PET117: variants seen among roughly 807,000 people sequenced by gnomAD.
PET117 encodes PET117 cytochrome c oxidase chaperone.
A neutral mutation model predicts 9.2 loss-of-function variants in PET117; 10 were observed. That is an observed-to-expected ratio of 1.09 (90% CI 0.67 to 1.85). PET117 has a LOEUF of 1.85. Among genes scored for constraint, PET117 ranks in the 40% most tolerant of loss-of-function variants. The pLI is 0.00. For missense variants in PET117, 96 were observed against 98.2 expected, an observed-to-expected ratio of 0.98 and a Z score of 0.09; for synonymous variants, 43 against 37.1, an observed-to-expected ratio of 1.16 and a Z score of -0.57.
At position 18,142,214 on chromosome 20, in the gene PET117, C is replaced by T. The variant is rs768254781; in HGVS notation, c.103C>T (p.Arg35Cys). Reference sequence around the variant, plus strand: ...CTGTTTCTTACGTTTTTAGAGGCTTCGTGACGGAGTTATCAGAGACATTGA... The same window carrying T: ...CTGTTTCTTACGTTTTTAGAGGCTTTGTGACGGAGTTATCAGAGACATTGA... ...VKQQWDQQRL[R>C]DGVIRDIERQ... Residue 35 changes from arginine to cysteine, a missense_variant, in exon 2 of 2, where the codon CGT becomes TGT. Coordinates refer to ENST00000432901, the MANE Select transcript of PET117 (RefSeq NM_001164811.2). 17 of 1,536,638 alleles carry T rather than the reference C, an allele frequency of 1.1e-5. No individual in the cohort carries two copies. Among genetic ancestry groups the T allele is most frequent in the South Asian group, 4.8e-5 (4 of 83,970 alleles).
At chr20:18,138,429 C>T in intron 1 of PET117, 3 of 1,005,724 alleles carry the variant, frequency 3.0e-6, no homozygotes, top group South Asian at 4.7e-5. Context: ...TCACTTGGGC[C>T]GCTAGAAAAT....
intron 1 of PET117, among the ~76,000 whole-genome samples, chr20:18,141,050 T>TTTTTG (rs2037550394): frequency 8.0e-6 from 1 of 124,584 alleles, no homozygotes; most frequent in Admixed American, 8.5e-5. Context: ...TTTTTTTATT[T>TTTTTG]TTATTTTTGC....
chr20:18,138,112 C>A, intron 1 of PET117, 61 bp downstream of exon 1: 1 of 1,419,322 alleles, frequency 7.0e-7, no homozygotes, highest in Non-Finnish European at 9.2e-7. Flanking sequence ...TGGGGCCTCT[C>A]GTGGTCTCTG....
At chr20:18,140,065 T>A (rs1339930792) in intron 1 of PET117, among the ~76,000 whole-genome samples, 1 of 151,978 alleles carries the variant, frequency 6.6e-6, no homozygotes, top group Non-Finnish European at 1.5e-5. Context: ...TAGAGGAAGA[T>A]AGCAAATGAT....
rs1426634897 is a variant in PET117, at chr20:18,142,945, T to C, written c.*588T>C. 2.5e-6 allele frequency: 4 copies of C among 1,607,796 alleles called. No homozygotes were observed. The highest frequency in any genetic ancestry group is 2.6e-6 in the Non-Finnish European group (3 of 1,174,888). Reference sequence around the variant, plus strand: ...GTAAGGAGCTTCTCAATTCCTTTGATTTGTCAATTCCTGTGTGAAGGTTTG... The same window carrying C: ...GTAAGGAGCTTCTCAATTCCTTTGACTTGTCAATTCCTGTGTGAAGGTTTG... On this transcript the variant is annotated 3_prime_UTR_variant, in exon 2 of 2. Transcript: ENST00000432901.
At chr20:18,140,450 C>A (rs572581199) in intron 1 of PET117, among the ~76,000 whole-genome samples, 36 of 152,030 alleles carry the variant, frequency 2.4e-4, no homozygotes, top group South Asian at 4.2e-4. Context: ...TTGGAAAAAA[C>A]CCCACAAACA....
intron 1 of PET117, 82 bp from the exon 2 acceptor site, chr20:18,142,126 C>T: frequency 1.5e-6 from 2 of 1,361,346 alleles, no homozygotes; most frequent in Non-Finnish European, 9.7e-7. Flanking sequence ...ATTTTGGTAA[C>T]ACTGTTATTT....
In PET117 at chr20:18,142,229, A is replaced by C. The variant is rs1156810413; in HGVS notation, c.118A>C (p.Arg40=). Residue 40 remains arginine, a synonymous_variant, in exon 2 of 2, where the codon AGA becomes CGA. Transcript: ENST00000432901. ...DQQRLRDGVI[R]DIERQIRKKE... ...TTAGAGGCTTCGTGACGGAGTTATC[A>C]GAGACATTGAGAGGCAAATTCGGAA... 1 of 1,537,222 alleles carries C rather than the reference A, an allele frequency of 6.5e-7. No individual in the cohort carries two copies. The highest frequency in any genetic ancestry group is 2.0e-5 in the Admixed American group (1 of 50,998).
intron 1 of PET117, among the ~76,000 whole-genome samples, chr20:18,139,235 C>G (rs2037426678): frequency 6.6e-6 from 1 of 152,092 alleles, no homozygotes. Flanking sequence ...AAAATGTGCT[C>G]CTAAGGGGCT....
chr20:18,139,090 T>A (rs2037420201), intron 1 of PET117, among the ~76,000 whole-genome samples: 2 of 152,178 alleles, frequency 1.3e-5, no homozygotes, highest in African/African-American at 4.8e-5. Flanking sequence ...ATGAAGTGGA[T>A]GAGGTCTTTG....
chr20:18,138,017 C>A lies in PET117; in HGVS notation c.62C>A (p.Ala21Asp). 2 of 1,499,216 alleles carry A rather than the reference C, an allele frequency of 1.3e-6. No individual in the cohort carries two copies. The highest frequency in any genetic ancestry group is 2.2e-5 in the Admixed American group (1 of 46,112). The allele number at this position is 1,499,216 out of a possible 1,614,324, so 92.9% of individuals were successfully genotyped here. Reference sequence around the variant, plus strand: ...GTGCTGCTGACGGCGGCCACAGTGGCCGGCGTACATGTGAAGCAGCAGTGG... The same window carrying A: ...GTGCTGCTGACGGCGGCCACAGTGGACGGCGTACATGTGAAGCAGCAGTGG... ...LSVLLTAATV[A>D]GVHVKQQWDQ... Residue 21 changes from alanine (A) to aspartate (D), a missense_variant, in exon 1 of 2, where the codon GCC becomes GAC. Transcript: ENST00000432901.
At chr20:18,141,474 T>C (rs1351870138) in intron 1 of PET117, among the ~76,000 whole-genome samples, 1 of 152,226 alleles carries the variant, frequency 6.6e-6, no homozygotes, top group Non-Finnish European at 1.5e-5. Flanking sequence ...GTAATCTGCA[T>C]TTTTTCTGTT....
At chr20:18,140,854 A>G (rs1208029582) in intron 1 of PET117, among the ~76,000 whole-genome samples, 2 of 149,910 alleles carry the variant, frequency 1.3e-5, no homozygotes, top group Non-Finnish European at 3.0e-5. Context: ...AACAAAACAA[A>G]AAAAACCCTA....
chr20:18,142,569 C>G lies in PET117; in HGVS notation c.*212C>G. ...GCAGACACTTTTTGGAAGAGTCTGT[C>G]TGGGTGATCCTGGTAGAAGCCCCAT... is the stretch of plus-strand genomic sequence containing the variant. On this transcript the variant is annotated 3_prime_UTR_variant, in exon 2 of 2. Coordinates refer to ENST00000432901, the MANE Select transcript of PET117 (RefSeq NM_001164811.2). The G allele has an allele frequency of 6.4e-7, 1 of 1,554,102 alleles. No individual in the cohort carries two copies. The highest frequency in any genetic ancestry group is 8.7e-7 in the Non-Finnish European group (1 of 1,148,516).
intron 1 of PET117, among the ~76,000 whole-genome samples, chr20:18,138,812 G>A (rs879550653): frequency 6.6e-6 from 1 of 152,048 alleles, no homozygotes; most frequent in Non-Finnish European, 1.5e-5. Flanking sequence ...ACCTTTAATG[G>A]GTGATTACTG....
chr20:18,141,455 G>C (rs1395358025), intron 1 of PET117, among the ~76,000 whole-genome samples: 1 of 152,108 alleles, frequency 6.6e-6, no homozygotes, highest in Non-Finnish European at 1.5e-5. Context: ...AAGCCAAGTT[G>C]AGATTTTAGT....
In PET117 at chr20:18,142,581, G is replaced by A; in HGVS notation, c.*224G>A. ...TGGAAGAGTCTGTCTGGGTGATCCT[G>A]GTAGAAGCCCCATTAGGGTCACTGT... On this transcript the variant is annotated 3_prime_UTR_variant, in exon 2 of 2. Transcript: ENST00000432901. The A allele has an allele frequency of 6.3e-7, 1 of 1,575,448 alleles. No individual in the cohort carries two copies. The highest frequency in any genetic ancestry group is 8.6e-7 in the Non-Finnish European group (1 of 1,158,914).
chr20:18,142,739 C>T lies in PET117; in HGVS notation c.*382C>T, dbSNP rs754315371. 8.0e-5 allele frequency: 129 copies of T among 1,614,066 alleles called. No individual in the cohort carries two copies. The highest frequency in any genetic ancestry group is 1.1e-4 in the Non-Finnish European group (129 of 1,180,046). ...CACGAGAACATCGACCTCAGAAGGA[C>T]TGGAGGAAGGTGAAGTGGAGGGAGA... On this transcript the variant is annotated 3_prime_UTR_variant, in exon 2 of 2. Coordinates refer to ENST00000432901, the MANE Select transcript of PET117 (RefSeq NM_001164811.2).
chr20:18,140,671 G>C (rs2037500115), intron 1 of PET117, among the ~76,000 whole-genome samples: 2 of 151,838 alleles, frequency 1.3e-5, no homozygotes, highest in South Asian at 4.2e-4. Flanking sequence ...AATTAGCCAG[G>C]CCTGGTGGCG....
Sources: gnomAD v4.1 joint callset for allele counts (sites outside exome capture counted in the v4.1 genomes callset) on GRCh38, gnomAD v4.1.1 for gene constraint, MANE v1.5 for transcripts, NCBI Gene and HGNC (gene_info 2026-07-23, HGNC 2026-07-21) for gene names.